SLC39A4: variants seen among roughly 807,000 people sequenced by gnomAD.
SLC39A4 encodes zinc transporter ZIP4.
SLC39A4 carries 49 observed loss-of-function variants against 56.6 expected under a neutral mutation model. That is an observed-to-expected ratio of 0.87 (90% CI 0.69 to 1.10). The LOEUF (loss-of-function observed/expected upper bound fraction) is 1.10. Among genes scored for constraint, SLC39A4 ranks in the 50% least tolerant of loss-of-function variants. SLC39A4 has a pLI of 0.00. For missense variants in SLC39A4, 993 were observed against 864.2 expected (o/e 1.15, Z -1.87); for synonymous variants, 540 against 420.4 (o/e 1.28, Z -3.48).
Position 144,416,076 on chromosome 8 carries a change from C to T in SLC39A4, c.208G>A (p.Asp70Asn), listed in dbSNP as rs1362346793. 3.1e-6 allele frequency: 5 copies of T among 1,597,134 alleles called. No individual in the cohort carries two copies. The highest frequency in any genetic ancestry group is 3.4e-6 in the Non-Finnish European group (4 of 1,175,196). ...GPCGKCLSVEDALGLGEPEGS... is the reference protein window; with the variant it reads ...GPCGKCLSVENALGLGEPEGS... ...TCAGGCTCGCCCAGGCCCAGGGCGT[C>T]CTCCACAGACAGGCACTGTGGGCAG... The change falls in exon 2 of 12, where the codon GAC (aspartate) becomes AAC (asparagine). Residue 70 changes from aspartate (D) to asparagine (N), a missense_variant. Coordinates refer to ENST00000301305, the MANE Select transcript of SLC39A4 (RefSeq NM_130849.4).
intron 8 of SLC39A4, 58 bp from the exon 9 acceptor site, chr8:144,413,625 G>GGGCGGGGCCCCAGATCACCGCGGGA: frequency 6.5e-7 from 1 of 1,547,514 alleles, no homozygotes; most frequent in Middle Eastern, 2.2e-4. Flanking sequence ...CGGTGGGGCG[G>GGGCGGGGCCCCAGATCACCGCGGGA]GGCGGGGCCC....
At chr8:144,415,138 AGTC>A in intron 3 of SLC39A4, 28 bp from the exon 4 acceptor site, 1 of 1,612,534 alleles carries the variant, frequency 6.2e-7, no homozygotes. Context: ...TGGCACCGCG[AGTC>A]TGTGTGGGCT....
chr8:144,412,414 T>C lies in SLC39A4; in HGVS notation c.*124A>G. On this transcript the variant is annotated 3_prime_UTR_variant, in exon 12 of 12. Coordinates refer to ENST00000301305, the MANE Select transcript of SLC39A4 (RefSeq NM_130849.4). ...CCCAGCAAGGAGAGCACAGCCATGC[T>C]CCAAGGACAAGAGTGTCTTTACTGG... 7 of 1,524,964 alleles carry C rather than the reference T, an allele frequency of 4.6e-6. No individual in the cohort carries two copies. The highest frequency in any genetic ancestry group is 6.3e-6 in the Non-Finnish European group (7 of 1,105,228). The allele number at this position is 1,524,964 out of a possible 1,614,324, so 94.5% of individuals were successfully genotyped here.
intron 1 of SLC39A4, 24 bp downstream of exon 1, chr8:144,416,574 G>T: frequency 6.4e-7 from 1 of 1,556,908 alleles, no homozygotes. Flanking sequence ...CAGGGCTGGG[G>T]GACCCGTCGG....
At chr8:144,415,569 A>G in intron 2 of SLC39A4, 150 bp from the exon 3 acceptor site, 1 of 1,159,074 alleles carries the variant, frequency 8.6e-7, no homozygotes, top group Non-Finnish European at 1.2e-6. Context: ...TGCCGGGCCC[A>G]GCTGCTTCAG....
At position 144,413,283 on chromosome 8, in the gene SLC39A4, C is replaced by T; in HGVS notation, c.1581G>A (p.Leu527=). ...GGCAGAACACGGCCAGCGAGGTGGC[C>T]AGCCCGGTCTTCCAGGAGGACGCGA... is the stretch of plus-strand genomic sequence containing the variant. ...AAFASSWKTG[L]ATSLAVFCHE... The change falls in exon 10 of 12, where the codon CTG becomes CTA. Residue 527 remains leucine, a synonymous_variant. Transcript: ENST00000301305. The T allele has an allele frequency of 1.3e-6, 2 of 1,599,574 alleles. No individual in the cohort carries two copies. The highest frequency in any genetic ancestry group is 1.7e-6 in the Non-Finnish European group (2 of 1,177,098).
chr8:144,413,691 G>T, intron 8 of SLC39A4, 59 bp downstream of exon 8: 2 of 1,536,746 alleles, frequency 1.3e-6, no homozygotes, highest in Non-Finnish European at 1.7e-6. Flanking sequence ...GAGTGTGGGC[G>T]TGGGAAGGGG....
chr8:144,414,239 G>C, intron 6 of SLC39A4, 23 bp downstream of exon 6: 3 of 1,604,274 alleles, frequency 1.9e-6, no homozygotes, highest in Non-Finnish European at 2.5e-6. Context: ...GAGGGCCAGG[G>C]TCGCGGGTTT....
At position 144,413,760 on chromosome 8, in the gene SLC39A4, C is replaced by T. The variant is rs782551696; in HGVS notation, c.1409G>A (p.Arg470His). The T allele has an allele frequency of 4.7e-5, 73 of 1,538,978 alleles. No individual in the cohort carries two copies. The highest frequency in any genetic ancestry group is 6.3e-5 in the Non-Finnish European group (72 of 1,148,254). Residue 470 changes from arginine to histidine, a missense_variant, in exon 8 of 12, where the codon CGC (arginine) becomes CAC (histidine). Arg to His is a conservative substitution (Grantham distance 29). Transcript: ENST00000301305. ...CTGGCGCCCACTCACCAGGTCTGCG[C>T]GGGAGCCCTCGTGGGGGGGCTTGGG... Reference protein sequence around the residue: ...RQPKPPHEGSRADLVAEESPE... With the variant: ...RQPKPPHEGSHADLVAEESPE...
In SLC39A4 at chr8:144,416,809, C is replaced by T; in HGVS notation, c.-20G>A. ...CGCCATACTCAGCTCCCAGCGTGCT[C>T]AGTGGGTGTTGCTGTGGCCAAGGCC... On this transcript the variant is annotated 5_prime_UTR_variant, in exon 1 of 12. Transcript: ENST00000301305. 1 of 1,606,796 alleles carries T rather than the reference C, an allele frequency of 6.2e-7. No homozygotes were observed. Among genetic ancestry groups the T allele is most frequent in the Non-Finnish European group, 8.5e-7 (1 of 1,177,754 alleles).
chr8:144,413,042 C>T (rs1554872149), intron 10 of SLC39A4, 96 bp from the exon 11 acceptor site: 1 of 1,503,616 alleles, frequency 6.7e-7, no homozygotes, highest in African/African-American at 1.4e-5. Context: ...GCCCCGCCCA[C>T]CTGTTCCCGG....
At position 144,412,948 on chromosome 8, in the gene SLC39A4, T is replaced by C. The variant is rs1033112015; in HGVS notation, c.1628-2A>G. ...CGTGCAGCAAGGCGGCGAAGTCCCC[T>C]GCGGGCGAGTCCACATTAACAGCTC... is the stretch of plus-strand genomic sequence containing the variant. On this transcript the variant is annotated splice_acceptor_variant, in intron 10 of 11. Coordinates refer to ENST00000301305, the MANE Select transcript of SLC39A4 (RefSeq NM_130849.4). LOFTEE classifies it high-confidence loss of function. 9.4e-6 allele frequency: 15 copies of C among 1,593,780 alleles called. No individual in the cohort carries two copies. The highest frequency in any genetic ancestry group is 1.2e-5 in the Non-Finnish European group (14 of 1,175,350).
Position 144,414,356 on chromosome 8 carries a change from C to T in SLC39A4, c.1055G>A (p.Gly352Asp). 3 of 1,590,482 alleles carry T rather than the reference C, an allele frequency of 1.9e-6. No homozygotes were observed. The highest frequency in any genetic ancestry group is 1.7e-6 in the Non-Finnish European group (2 of 1,170,180). Residue 352 changes from glycine to aspartate, a missense_variant, in exon 6 of 12, where the codon GGC becomes GAC. Coordinates refer to ENST00000301305, the MANE Select transcript of SLC39A4 (RefSeq NM_130849.4). ...GATGTAGTGGGTGACCCCCCTGCAG[C>T]CAGTGCAGGTCAGCAGCAGGAGGCC... ...VFGLLLLTCTGCRGVTHYILQ... is the reference protein window; with the variant it reads ...VFGLLLLTCTDCRGVTHYILQ...
intron 10 of SLC39A4, 129 bp from the exon 11 acceptor site, chr8:144,413,075 C>T (rs1554872160): frequency 8.8e-7 from 1 of 1,142,822 alleles, no homozygotes; most frequent in African/African-American, 1.6e-5. Flanking sequence ...GCCGTCAGAT[C>T]CCGCCCATCA....
In SLC39A4 at chr8:144,416,174, C is replaced by T. The variant is rs781983453; in HGVS notation, c.193-83G>A. ...GCCTGGCCAGGGGCTTCCCCGAGGG[C>T]CTGTTTCCCTTTCAAGTCCAACAAC... On this transcript the variant is annotated intron_variant, in intron 1 of 11. Coordinates refer to ENST00000301305, the MANE Select transcript of SLC39A4 (RefSeq NM_130849.4). 3.1e-6 allele frequency: 5 copies of T among 1,595,570 alleles called. No homozygotes were observed. In the African/African-American group the frequency reaches 5.3e-5, roughly 17 times the overall value.
At chr8:144,413,480 C>T in intron 9 of SLC39A4, 33 bp downstream of exon 9, 1 of 1,561,626 alleles carries the variant, frequency 6.4e-7, no homozygotes, top group African/African-American at 1.4e-5. Flanking sequence ...CCCCAGATCC[C>T]CCAGCCCTTC....
At chr8:144,415,471 C>A (rs1554873671) in intron 2 of SLC39A4, 52 bp from the exon 3 acceptor site, 7 of 1,532,756 alleles carry the variant, frequency 4.6e-6, no homozygotes, top group Non-Finnish European at 6.2e-6. Flanking sequence ...TTCTGCCATC[C>A]ACCCCGCTGC....
chr8:144,415,417 G>C lies in SLC39A4; in HGVS notation c.477C>G (p.Ala159=). The change falls in exon 3 of 12, where the codon GCC becomes GCG. Residue 159 remains alanine (A), a splice_region_variant and synonymous_variant. Coordinates refer to ENST00000301305, the MANE Select transcript of SLC39A4 (RefSeq NM_130849.4). ...CCAGCAGCTGAGGGATATCTACGCA[G>C]GCCTGGGGAAGAGGGGGCCTCCGCC... ...ARAAGQTPKM[A]CVDIPQLLEE... is the part of the protein sequence containing the mutation. 6.3e-7 allele frequency: 1 copy of C among 1,599,842 alleles called. No individual in the cohort carries two copies. The highest frequency in any genetic ancestry group is 8.5e-7 in the Non-Finnish European group (1 of 1,173,902).
In SLC39A4 at chr8:144,415,220, G is replaced by A. The variant is rs781826932; in HGVS notation, c.667+7C>T. ...TGCCCCCCTCCACAGCCCAGCCCAG[G>A]CCTCACCGGCCAGCGTCATAGGGAC... On this transcript the variant is annotated splice_region_variant and intron_variant, in intron 3 of 11. Coordinates refer to ENST00000301305, the MANE Select transcript of SLC39A4 (RefSeq NM_130849.4). The A allele has an allele frequency of 6.2e-6, 10 of 1,612,764 alleles. No homozygotes were observed. Among genetic ancestry groups the A allele is most frequent in the African/African-American group, 1.3e-5 (1 of 74,896 alleles).
Sources: allele counts gnomAD v4.1 joint callset, GRCh38; gene constraint gnomAD v4.1.1; transcripts MANE v1.5; gene names NCBI Gene and HGNC (gene_info 2026-07-23, HGNC 2026-07-21).